The following CNTNAP2 variants were observed in gnomAD, a reference collection of about 807,000 sequenced individuals.
The protein encoded by CNTNAP2 is contactin-associated protein-like 2.
A neutral mutation model predicts 155.2 loss-of-function variants in CNTNAP2; 98 were observed. The observed-to-expected ratio is 0.63, with a 90% CI of 0.54 to 0.75. The LOEUF is 0.75. Among genes scored for constraint, CNTNAP2 ranks in the 30% least tolerant of loss-of-function variants. The probability of loss-of-function intolerance (pLI) is 0.00; values close to 1 mark genes in which losing one functional copy is unlikely to be tolerated. For synonymous variants in CNTNAP2, 651 were observed against 631.2 expected (o/e 1.03, Z -0.47); for missense variants, 1,727 against 1,688.1 (o/e 1.02, Z -0.40).
At chr7:146,469,839 ATTTTT>A (rs55827136) in intron 1 of CNTNAP2, among the ~76,000 whole-genome samples, 1 of 85,432 alleles carries the variant, frequency 1.2e-5, no homozygotes, top group Admixed American at 1.2e-4. Context: ...CTTAATTGAC[ATTTTT>A]TTTTTTTTTT....
chr7:146,305,855 A>G (rs1312204841), intron 1 of CNTNAP2, among the ~76,000 whole-genome samples: 2 of 152,140 alleles, frequency 1.3e-5, no homozygotes, highest in Non-Finnish European at 2.9e-5. Context: ...GCAAGAGCAA[A>G]CACATTCAAA....
chr7:147,751,396 T>TAAAAA (rs59271527), intron 13 of CNTNAP2, among the ~76,000 whole-genome samples: 31 of 144,580 alleles, frequency 2.1e-4, no homozygotes, highest in South Asian at 8.6e-4. Flanking sequence ...TGAATTTAGT[T>TAAAAA]AAAAAAAAAA....
At chr7:147,611,664 T>C (rs12532853) in intron 12 of CNTNAP2, among the ~76,000 whole-genome samples, 104,114 of 152,070 alleles carry the variant, frequency 0.68, 36,076 homozygotes, top group African/African-American at 0.78. Context: ...AAATAATCAC[T>C]ATTTTCCACC....
At chr7:147,063,588 G>A (rs1799724565) in intron 4 of CNTNAP2, among the ~76,000 whole-genome samples, 1 of 152,034 alleles carries the variant, frequency 6.6e-6, no homozygotes, top group Admixed American at 6.6e-5. Flanking sequence ...AGTAAAGAAT[G>A]TCTACACTTA....
At chr7:146,940,696 T>TACAC (rs112623198) in intron 3 of CNTNAP2, among the ~76,000 whole-genome samples, 37,846 of 148,934 alleles carry the variant, frequency 0.25, 5,690 homozygotes, top group Middle Eastern at 0.35. Context: ...TATATATATA[T>TACAC]ACACACACAC....
chr7:147,745,637 T>C (rs1797026565), intron 13 of CNTNAP2, among the ~76,000 whole-genome samples: 1 of 152,242 alleles, frequency 6.6e-6, no homozygotes, highest in South Asian at 2.1e-4. Context: ...AGAATATATT[T>C]CTTTATAACC....
chr7:148,152,296 C>A (rs771069064), intron 17 of CNTNAP2, among the ~76,000 whole-genome samples: 14 of 151,740 alleles, frequency 9.2e-5, no homozygotes, highest in Non-Finnish European at 2.1e-4. Flanking sequence ...GGGCAGGGGG[C>A]TAGGGAATGG....
intron 15 of CNTNAP2, among the ~76,000 whole-genome samples, chr7:148,085,251 A>C (rs1386911315): frequency 6.6e-6 from 1 of 152,242 alleles, no homozygotes; most frequent in African/African-American, 2.4e-5. Context: ...AGTACAAGTC[A>C]GATGTGTTCC....
intron 1 of CNTNAP2, among the ~76,000 whole-genome samples, chr7:146,589,433 G>A (rs1431676614): frequency 6.6e-6 from 1 of 152,146 alleles, no homozygotes; most frequent in Non-Finnish European, 1.5e-5. Flanking sequence ...AAAAGGATGA[G>A]TTCATGTCCT....
intron 12 of CNTNAP2, among the ~76,000 whole-genome samples, chr7:147,586,398 G>C (rs897568464): frequency 6.6e-6 from 1 of 151,934 alleles, no homozygotes; most frequent in African/African-American, 2.4e-5. Flanking sequence ...ATCAGGGTCT[G>C]AACTAGCTTT....
chr7:146,577,854 A>C (rs1351600965), intron 1 of CNTNAP2, among the ~76,000 whole-genome samples: 1 of 152,082 alleles, frequency 6.6e-6, no homozygotes, highest in Non-Finnish European at 1.5e-5. Flanking sequence ...AAAAAAAGTG[A>C]AGAGTTTGAA....
intron 15 of CNTNAP2, among the ~76,000 whole-genome samples, chr7:148,011,279 T>C (rs545265014): frequency 4.7e-4 from 72 of 152,300 alleles, no homozygotes; most frequent in African/African-American, 1.7e-3. Flanking sequence ...TATCCCATCA[T>C]ATAAATATAT....
rs1794916852 is a variant in CNTNAP2 at position 147,300,162 on chromosome 7, A to G, written c.1370A>G (p.Gln457Arg). Residue 457 changes from glutamine to arginine, a missense_variant, in exon 9 of 24, where the codon CAG (glutamine) becomes CGG (arginine). Physicochemically the swap from Gln to Arg is conservative, Grantham distance 43 (BLOSUM62 1). Coordinates refer to ENST00000361727, the MANE Select transcript of CNTNAP2 (RefSeq NM_014141.6). Reference sequence around the variant, plus strand: ...CCAGGTTCTGGGTTGAATGATGGACAGTGGCACGAGGTTCGCTTCCTAGCC... The same window carrying G: ...CCAGGTTCTGGGTTGAATGATGGACGGTGGCACGAGGTTCGCTTCCTAGCC... ...ISSGSGLNDG[Q>R]WHEVRFLAKE... 1 of 1,613,944 alleles carries G rather than the reference A, an allele frequency of 6.2e-7. No individual in the cohort carries two copies. The highest frequency in any genetic ancestry group is 1.7e-5 in the Admixed American group (1 of 59,992).
At chr7:147,061,701 G>A (rs1173031439) in intron 4 of CNTNAP2, among the ~76,000 whole-genome samples, 2 of 152,290 alleles carry the variant, frequency 1.3e-5, no homozygotes, top group African/African-American at 2.4e-5. Context: ...AATTGGGAAT[G>A]TGTTGATGGT....
At chr7:148,269,165 G>C (rs1796729520) in intron 21 of CNTNAP2, among the ~76,000 whole-genome samples, 3 of 152,180 alleles carry the variant, frequency 2.0e-5, no homozygotes, top group Admixed American at 6.5e-5. Context: ...TGGTGAACAA[G>C]ACAGTGGGGA....
chr7:147,893,590 T>C (rs1799727857), intron 13 of CNTNAP2, among the ~76,000 whole-genome samples: 1 of 152,242 alleles, frequency 6.6e-6, no homozygotes. Flanking sequence ...AAACTCTTCC[T>C]CTGAGATTCT....
chr7:147,741,164 A>T (rs1407491461), intron 13 of CNTNAP2, among the ~76,000 whole-genome samples: 4 of 152,128 alleles, frequency 2.6e-5, no homozygotes, highest in African/African-American at 9.7e-5. Context: ...ATGGGAAGAG[A>T]TTTGGGTCAT....
intron 3 of CNTNAP2, among the ~76,000 whole-genome samples, chr7:146,967,072 T>A (rs1563024112): frequency 6.6e-6 from 1 of 152,190 alleles, no homozygotes; most frequent in African/African-American, 2.4e-5. Flanking sequence ...AGAAGATCAA[T>A]GTTTAGTGAT....
chr7:146,981,325 A>T (rs1277151530), intron 3 of CNTNAP2, among the ~76,000 whole-genome samples: 2 of 152,324 alleles, frequency 1.3e-5, no homozygotes, highest in South Asian at 2.1e-4. Context: ...AAATTTTGGG[A>T]TAGAAAAATA....
Sources: allele counts gnomAD v4.1 joint callset (sites outside exome capture counted in the v4.1 genomes callset), GRCh38; gene constraint gnomAD v4.1.1; transcripts MANE v1.5; gene names NCBI Gene and HGNC (gene_info 2026-07-23, HGNC 2026-07-21).